KDM4C: variants seen among roughly 807,000 people sequenced by gnomAD.
KDM4C encodes the protein lysine demethylase 4C, also known as lysine-specific demethylase 4C.
KDM4C carries 81 observed loss-of-function variants against 129.3 expected under a neutral mutation model. The observed-to-expected ratio is 0.63, with a 90% confidence interval of 0.52 to 0.75. KDM4C has a LOEUF of 0.75. Ranked by LOEUF, KDM4C falls within the 30% of genes least tolerant of loss-of-function variation. KDM4C has a pLI of 0.00. For synonymous variants in KDM4C, 573 were observed against 456.1 expected (o/e 1.26, Z -3.26); for missense variants, 1,457 against 1,304.0 (o/e 1.12, Z -1.81).
At chr9:6,735,292 A>T (rs1039006607) in intron 1 of KDM4C, among the ~76,000 whole-genome samples, 2 of 152,200 alleles carry the variant, frequency 1.3e-5, no homozygotes, top group Non-Finnish European at 1.5e-5. Context: ...GGGCGCTGGC[A>T]TCTTTGCCAA....
chr9:7,167,918 A>T (rs1424845851), intron 20 of KDM4C, among the ~76,000 whole-genome samples: 1 of 152,240 alleles, frequency 6.6e-6, no homozygotes, highest in African/African-American at 2.4e-5. Context: ...ACAGTGGCTC[A>T]TGCCTGTAAT....
intron 12 of KDM4C, among the ~76,000 whole-genome samples, chr9:6,998,142 A>G (rs1820102697): frequency 6.6e-6 from 1 of 152,208 alleles, no homozygotes; most frequent in Non-Finnish European, 1.5e-5. Flanking sequence ...TTTGAAATTA[A>G]AGACAGCTTA....
chr9:6,790,434 A>G (rs941651822), intron 1 of KDM4C, among the ~76,000 whole-genome samples: 5 of 145,614 alleles, frequency 3.4e-5, no homozygotes, highest in African/African-American at 5.1e-5. Context: ...TGTATTTTTT[A>G]GTAGAGATGG....
intron 4 of KDM4C, among the ~76,000 whole-genome samples, chr9:6,841,825 C>G (rs1301530787): frequency 1.2e-4 from 19 of 152,216 alleles, no homozygotes; most frequent in Non-Finnish European, 2.6e-4. Context: ...TGGCTAAGTT[C>G]TAGCAGACCT....
intron 18 of KDM4C, among the ~76,000 whole-genome samples, chr9:7,111,311 G>T (rs1838293209): frequency 6.6e-6 from 1 of 152,140 alleles, no homozygotes. Flanking sequence ...CAAAGGAAAT[G>T]CTCATTTAAG....
In KDM4C at chr9:7,175,189, T is replaced by C. The variant is rs1240405076; in HGVS notation, c.*460T>C. On this transcript the variant is annotated 3_prime_UTR_variant, in exon 22 of 22. Transcript: ENST00000381309. ...CAGTCAGGGAAGGACTCTCACTTAT[T>C]TGTTTCAAATTGCAGTTTTTATAAA... The C allele has an allele frequency of 6.5e-6, 1 of 154,412 alleles. No individual in the cohort carries two copies. Among genetic ancestry groups the C allele is most frequent in the Admixed American group, 6.4e-5 (1 of 15,542 alleles). 9.6% of individuals were successfully genotyped at this position (154,412 alleles called of 1,614,324 possible). A position where few individuals can be genotyped will look rare whatever the true frequency, so the allele number is the denominator to read the frequency against.
intron 19 of KDM4C, among the ~76,000 whole-genome samples, chr9:7,144,474 A>G (rs1842042312): frequency 6.6e-6 from 1 of 152,236 alleles, no homozygotes; most frequent in East Asian, 1.9e-4. Flanking sequence ...GGGACTTGTG[A>G]CTGTGCAAGT....
At chr9:6,866,427 G>T (rs1169579040) in intron 5 of KDM4C, among the ~76,000 whole-genome samples, 3 of 152,180 alleles carry the variant, frequency 2.0e-5, no homozygotes. Flanking sequence ...GAGAGGGCTA[G>T]CTAGGGGTTC....
intron 17 of KDM4C, among the ~76,000 whole-genome samples, chr9:7,073,070 A>G (rs866994297): frequency 1.3e-5 from 2 of 152,184 alleles, no homozygotes; most frequent in Admixed American, 6.5e-5. Flanking sequence ...GATGAGAGCT[A>G]CAGTCCATGA....
chr9:7,066,984 G>A (rs765195934), intron 17 of KDM4C, among the ~76,000 whole-genome samples: 5 of 152,174 alleles, frequency 3.3e-5, no homozygotes, highest in Non-Finnish European at 7.3e-5. Flanking sequence ...GAGGGAATCA[G>A]TGGCCCAGAT....
At chr9:6,976,001 G>A (rs1832852020) in intron 8 of KDM4C, among the ~76,000 whole-genome samples, 1 of 152,214 alleles carries the variant, frequency 6.6e-6, no homozygotes, top group Non-Finnish European at 1.5e-5. Flanking sequence ...TTGCGCCACT[G>A]TACTCCAGCC....
intron 8 of KDM4C, among the ~76,000 whole-genome samples, chr9:6,910,614 T>C (rs1348586108): frequency 6.6e-6 from 1 of 152,214 alleles, no homozygotes; most frequent in African/African-American, 2.4e-5. Flanking sequence ...ATGGAAATAC[T>C]CAGTGCAGTT....
intron 8 of KDM4C, among the ~76,000 whole-genome samples, chr9:6,927,494 A>G (rs541143050): frequency 6.6e-6 from 1 of 152,226 alleles, no homozygotes; most frequent in Admixed American, 6.5e-5. Flanking sequence ...GCTTCTGATC[A>G]TGTTGACCTG....
chr9:6,925,657 G>A (rs1344489390), intron 8 of KDM4C: 6 of 984,820 alleles, frequency 6.1e-6, no homozygotes, highest in Non-Finnish European at 7.2e-6. Context: ...TCAGAAAGAT[G>A]CTGTTCGGAG....
At chr9:6,893,413 A>G (rs886682729) in intron 8 of KDM4C, 181 bp downstream of exon 8, 8 of 432,516 alleles carry the variant, frequency 1.8e-5, no homozygotes, top group Non-Finnish European at 2.8e-5. Flanking sequence ...TACCAATTTT[A>G]GCTGAATTTG....
chr9:6,831,687 C>T (rs1488802173), intron 4 of KDM4C, among the ~76,000 whole-genome samples: 2 of 152,058 alleles, frequency 1.3e-5, no homozygotes, highest in East Asian at 1.9e-4. Flanking sequence ...GATGCCTGAG[C>T]CTAATAATCA....
intron 13 of KDM4C, among the ~76,000 whole-genome samples, chr9:7,012,452 G>C (rs1266491736): frequency 6.6e-6 from 1 of 152,126 alleles, no homozygotes; most frequent in East Asian, 1.9e-4. Flanking sequence ...AGCTTTCAAA[G>C]AGAGAACTTA....
intron 3 of KDM4C, among the ~76,000 whole-genome samples, chr9:6,806,922 C>G (rs1830095984): frequency 6.6e-6 from 1 of 151,562 alleles, no homozygotes; most frequent in Non-Finnish European, 1.5e-5. Context: ...CCCTCTCCGT[C>G]TCCCCACGGT....
rs745311714 is a variant in KDM4C at position 6,986,412 on chromosome 9, A to G, written c.1423A>G (p.Arg475Gly). The change falls in exon 11 of 22, where the codon AGA becomes GGA. Residue 475 changes from arginine (R) to glycine (G), a missense_variant. By Grantham distance (125) the Arg-to-Gly change is moderately radical. Transcript: ENST00000381309. ...KTEDDKAYAY[R>G]SVPSISSEAD... ...TGAGGATGACAAAGCTTATGCATAT[A>G]GAAGTGTACCTTCTATATCCAGTGA... 1.9e-6 allele frequency: 3 copies of G among 1,613,904 alleles called. No homozygotes were observed. The highest frequency in any genetic ancestry group is 1.7e-5 in the Admixed American group (1 of 59,982).
Sources: allele counts gnomAD v4.1 joint callset (sites outside exome capture counted in the v4.1 genomes callset), GRCh38; gene constraint gnomAD v4.1.1; transcripts MANE v1.5; gene names NCBI Gene and HGNC (gene_info 2026-07-23, HGNC 2026-07-21).